FAM210B: variants seen among roughly 807,000 people sequenced by gnomAD.
The protein encoded by FAM210B is family with sequence similarity 210 member B.
FAM210B carries 11 observed loss-of-function variants against 14.9 expected under a neutral mutation model. The ratio of observed to expected loss-of-function variants is 0.74; its 90% CI spans 0.46 to 1.22. The LOEUF is 1.22. Among genes scored for constraint, FAM210B ranks in the 50% most tolerant of loss-of-function variants. FAM210B has a pLI of 0.00. For missense variants in FAM210B, 229 were observed against 250.1 expected, an observed-to-expected ratio of 0.92 and a Z score of 0.57; for synonymous variants, 113 against 110.2, an observed-to-expected ratio of 1.03 and a Z score of -0.16.
At chr20:56,365,343 C>CT (rs35912259) in intron 2 of FAM210B, 81 bp downstream of exon 2, 460 of 1,431,920 alleles carry the variant, frequency 3.2e-4, no homozygotes, top group Non-Finnish European at 3.7e-4. Context: ...TTTGCTAAGA[C>CT]TTTTTTTTTA....
rs952023727 is a variant in FAM210B at position 56,359,713 on chromosome 20, C to T, written c.186+522C>T. Among the ~76,000 whole-genome samples the T allele has an allele frequency of 2.6e-5, 4 of 152,234 alleles. No individual in the cohort carries two copies. The highest frequency in any genetic ancestry group is 9.7e-5 in the African/African-American group (4 of 41,450). ...TTGGTGCTAAGTGAAAACTGGTTTT[C>T]CTTCAGAGCAGTCATACCAGCTTTC... On this transcript the variant is annotated intron_variant, in intron 1 of 2. Coordinates refer to ENST00000371384, the MANE Select transcript of FAM210B (RefSeq NM_080821.3). The surrounding 1 kb of genome is among the most constrained non-coding windows in gnomAD (Gnocchi z 4.3).
Position 56,367,732 on chromosome 20 carries a change from G to A in FAM210B, c.*1445G>A, listed in dbSNP as rs535642661. On this transcript the variant is annotated 3_prime_UTR_variant, in exon 3 of 3. Transcript: ENST00000371384. The stretch of plus-strand genomic sequence containing the variant: ...GGCGATTGAAGTAATTCTGTCCTGC[G>A]GGGTTCAGCATCATGCACGTTCCCC... The A allele has an allele frequency of 3.3e-5, 5 of 152,328 alleles. No individual in the cohort carries two copies. Among genetic ancestry groups the A allele is most frequent in the South Asian group, 2.1e-4 (1 of 4,824 alleles). 9.4% of individuals were successfully genotyped at this position (152,328 alleles called of 1,614,324 possible).
In FAM210B at chr20:56,362,437, C is replaced by T. The variant is rs533397607; in HGVS notation, c.187-2650C>T. ...ATTCAGGACAGTGCCTAACACATCC[C>T]GGGTACTTACGGCAATGTTTCACGA... On this transcript the variant is annotated intron_variant, in intron 1 of 2. Transcript: ENST00000371384. This position sits in a 1 kb window ranked among gnomAD's most constrained non-coding sequence, Gnocchi z 4.8. Among the ~76,000 whole-genome samples the T allele has an allele frequency of 1.2e-4, 18 of 152,254 alleles. No homozygotes were observed. The highest frequency in any genetic ancestry group is 4.3e-4 in the African/African-American group (18 of 41,550).
At position 56,359,508 on chromosome 20, in the gene FAM210B, A is replaced by C. The variant is rs371142960; in HGVS notation, c.186+317A>C. 9.2e-5 allele frequency among the ~76,000 whole-genome samples: 14 copies of C among 152,270 alleles called. No individual in the cohort carries two copies. The East Asian group carries it at 2.3e-3, about 25-fold the overall frequency. On this transcript the variant is annotated intron_variant, in intron 1 of 2. Coordinates refer to ENST00000371384, the MANE Select transcript of FAM210B (RefSeq NM_080821.3). The surrounding 1 kb of genome is among the most constrained non-coding windows in gnomAD (Gnocchi z 4.3). ...GCCGACTGACTTGGTCTGAACTTCC[A>C]CACGTTGCCTGCGGAGTTGTTGTCC...
chr20:56,365,162 C>A lies in FAM210B; in HGVS notation c.262C>A (p.Gln88Lys). Residue 88 changes from glutamine to lysine, a missense_variant, in exon 2 of 3, where the codon CAA becomes AAA. Transcript: ENST00000371384. ...TEEKKQSKSQ[Q>K]LKKIFQEYGT... is the part of the protein sequence containing the mutation. ...GGAGAAAAAGCAAAGCAAGTCACAG[C>A]AACTGAAAAAGATTTTTCAAGAGTA... The A allele has an allele frequency of 6.2e-7, 1 of 1,614,188 alleles. No homozygotes were observed. Among genetic ancestry groups the A allele is most frequent in the African/African-American group, 1.3e-5 (1 of 75,054 alleles).
Position 56,367,579 on chromosome 20 carries a change from T to C in FAM210B, c.*1292T>C, listed in dbSNP as rs1235582294. ...TGAACCCAGGAGGTGGAGGTTGCAGTGAGCCAAGATCACACCACTGCACTC... is the reference window on the plus strand; with the variant it reads ...TGAACCCAGGAGGTGGAGGTTGCAGCGAGCCAAGATCACACCACTGCACTC... On this transcript the variant is annotated 3_prime_UTR_variant, in exon 3 of 3. Transcript: ENST00000371384. 6.6e-6 allele frequency: 1 copy of C among 152,414 alleles called. No individual in the cohort carries two copies. Among genetic ancestry groups the C allele is most frequent in the African/African-American group, 2.4e-5 (1 of 41,444 alleles). 9.4% of individuals were successfully genotyped at this position (152,414 alleles called of 1,614,324 possible).
rs148194786 is a variant in FAM210B, at chr20:56,362,400, G to A, written c.187-2687G>A. Among the ~76,000 whole-genome samples the A allele has an allele frequency of 4.0e-3, 614 of 152,178 alleles. 3 individuals carry two copies. The highest frequency in any genetic ancestry group is 0.014 in the African/African-American group (594 of 41,524). On this transcript the variant is annotated intron_variant, in intron 1 of 2. Transcript: ENST00000371384. This position sits in a 1 kb window ranked among gnomAD's most constrained non-coding sequence, Gnocchi z 4.8. ...TGAGTACAGACAGAAGATGTGTCAC[G>A]CCGTCCTGTGCATTCAGGACAGTGC...
In FAM210B at chr20:56,364,680, G is replaced by A. The variant is rs375081783; in HGVS notation, c.187-407G>A. Among the ~76,000 whole-genome samples, 9 of 152,274 alleles carry A rather than the reference G, an allele frequency of 5.9e-5. No individual in the cohort carries two copies. The East Asian group carries it at 9.7e-4, about 16-fold the overall frequency. ...ACTCGGCTCACTGAGTAGGAAAGGG[G>A]TAACTGATCCACGCCTGTAATCCTA... On this transcript the variant is annotated intron_variant, in intron 1 of 2. Coordinates refer to ENST00000371384, the MANE Select transcript of FAM210B (RefSeq NM_080821.3).
chr20:56,359,050 C>T lies in FAM210B; in HGVS notation c.45C>T (p.Gly15=). The T allele has an allele frequency of 9.6e-6, 13 of 1,351,228 alleles. No individual in the cohort carries two copies. The highest frequency in any genetic ancestry group is 1.2e-5 in the Non-Finnish European group (13 of 1,046,002). The allele number at this position is 1,351,228 out of a possible 1,614,324, so 83.7% of individuals were successfully genotyped here. The change falls in exon 1 of 3, where the codon GGC becomes GGT. Residue 15 remains glycine, a synonymous_variant. Transcript: ENST00000371384. This position sits in a 1 kb window ranked among gnomAD's most constrained non-coding sequence, Gnocchi z 4.3. ...TGCTGGGTCCGGCAGGCAGGGTGGG[C>T]GCCCGGGTCCGGCCTCGCGCCACCT... ...LALLGPAGRV[G]ARVRPRATWL... is the part of the protein sequence containing the mutation.
rs1569023751 is a variant in FAM210B, at chr20:56,365,380, G to GC, written c.362+119dup. 5.5e-6 allele frequency: 6 copies of GC among 1,094,598 alleles called. No individual in the cohort carries two copies. In the Admixed American group the frequency reaches 1.1e-4, roughly 20 times the overall value. The allele number at this position is 1,094,598 out of a possible 1,614,324, so 67.8% of individuals were successfully genotyped here. ...GACAGGGTCTCACTCCACTGCCCAG[G>GC]CTGGAGTGCAGTGGCATGATCACAG... On this transcript the variant is annotated intron_variant, in intron 2 of 2. Transcript: ENST00000371384.
chr20:56,366,060 T>G lies in FAM210B; in HGVS notation c.363-11T>G. 6.2e-7 allele frequency: 1 copy of G among 1,603,820 alleles called. No homozygotes were observed. Among genetic ancestry groups the G allele is most frequent in the Non-Finnish European group, 8.5e-7 (1 of 1,172,600 alleles). ...CTGTAATAATTGTTTTCTTTGCTTC[T>G]TCCCCCCTAGTGGTGTGGACATGCC... On this transcript the variant is annotated splice_polypyrimidine_tract_variant and intron_variant, in intron 2 of 2. Transcript: ENST00000371384.
intron 1 of FAM210B, among the ~76,000 whole-genome samples, chr20:56,364,692 C>T (rs970915892): frequency 6.6e-6 from 1 of 152,060 alleles, no homozygotes; most frequent in Non-Finnish European, 1.5e-5. Flanking sequence ...AACTGATCCA[C>T]GCCTGTAATC....
In FAM210B at chr20:56,362,157, T is replaced by C. The variant is rs1260520196; in HGVS notation, c.187-2930T>C. Among the ~76,000 whole-genome samples the C allele has an allele frequency of 6.6e-6, 1 of 152,042 alleles. No individual in the cohort carries two copies. Among genetic ancestry groups the C allele is most frequent in the African/African-American group, 2.4e-5 (1 of 41,384 alleles). On this transcript the variant is annotated intron_variant, in intron 1 of 2. Coordinates refer to ENST00000371384, the MANE Select transcript of FAM210B (RefSeq NM_080821.3). The surrounding 1 kb of genome is among the most constrained non-coding windows in gnomAD (Gnocchi z 4.8). ...TGCCTAGTACAGAATATACACAATATAGTGTTTATTATTAATATGATTTCT... is the reference window on the plus strand; with the variant it reads ...TGCCTAGTACAGAATATACACAATACAGTGTTTATTATTAATATGATTTCT...
At position 56,363,542 on chromosome 20, in the gene FAM210B, A is replaced by G. The variant is rs1370189568; in HGVS notation, c.187-1545A>G. On this transcript the variant is annotated intron_variant, in intron 1 of 2. Coordinates refer to ENST00000371384, the MANE Select transcript of FAM210B (RefSeq NM_080821.3). The surrounding 1 kb of genome is among the most constrained non-coding windows in gnomAD (Gnocchi z 4.1). ...AGAGCTGACCTCCAGCCAGGTGCGC[A>G]TCACCTGCCGGGACAAGCCCCAGGA... is the stretch of plus-strand genomic sequence containing the variant. Among the ~76,000 whole-genome samples, 1 of 152,208 alleles carries G rather than the reference A, an allele frequency of 6.6e-6. No individual in the cohort carries two copies. The highest frequency in any genetic ancestry group is 1.5e-5 in the Non-Finnish European group (1 of 68,044).
rs936171099 is a variant in FAM210B at position 56,362,736 on chromosome 20, C to T, written c.187-2351C>T. 3.3e-5 allele frequency among the ~76,000 whole-genome samples: 5 copies of T among 152,192 alleles called. No individual in the cohort carries two copies. Among genetic ancestry groups the T allele is most frequent in the Non-Finnish European group, 5.9e-5 (4 of 68,034 alleles). ...TACCACAGTCTTGCAGTAGATTCTG[C>T]TCAGTTCTATAGCTGGAATCCTGGC... On this transcript the variant is annotated intron_variant, in intron 1 of 2. Transcript: ENST00000371384. This position sits in a 1 kb window ranked among gnomAD's most constrained non-coding sequence, Gnocchi z 4.8.
Position 56,365,160 on chromosome 20 carries a change from A to C in FAM210B, c.260A>C (p.Gln87Pro). The change falls in exon 2 of 3, where the codon CAG (glutamine) becomes CCG (proline). Residue 87 changes from glutamine to proline, a missense_variant. Gln to Pro is a moderately conservative substitution (Grantham distance 76, BLOSUM62 -1). Coordinates refer to ENST00000371384, the MANE Select transcript of FAM210B (RefSeq NM_080821.3). ...CTEEKKQSKS[Q>P]QLKKIFQEYG... ...GAGGAGAAAAAGCAAAGCAAGTCAC[A>C]GCAACTGAAAAAGATTTTTCAAGAG... is the stretch of plus-strand genomic sequence containing the variant. 1 of 1,614,220 alleles carries C rather than the reference A, an allele frequency of 6.2e-7. No homozygotes were observed. Among genetic ancestry groups the C allele is most frequent in the Non-Finnish European group, 8.5e-7 (1 of 1,180,046 alleles).
At chr20:56,364,430 C>T (rs1357132445) in intron 1 of FAM210B, among the ~76,000 whole-genome samples, 1 of 152,256 alleles carries the variant, frequency 6.6e-6, no homozygotes, top group African/African-American at 2.4e-5. Flanking sequence ...CTGCCTCCCT[C>T]TCTTCACTTA....
intron 1 of FAM210B, among the ~76,000 whole-genome samples, 156 bp from the exon 2 acceptor site, chr20:56,364,931 A>C (rs776038155): frequency 2.0e-5 from 3 of 152,070 alleles, no homozygotes; most frequent in Non-Finnish European, 2.9e-5. Flanking sequence ...TCCAGCCTGG[A>C]TGACAGAGTG....
intron 1 of FAM210B, among the ~76,000 whole-genome samples, chr20:56,361,827 A>C (rs975377484): frequency 4.6e-5 from 7 of 151,978 alleles, no homozygotes; most frequent in African/African-American, 1.7e-4. Context: ...AAATACAAAT[A>C]TTAGCCGGGC....
Sources: allele counts gnomAD v4.1 joint callset (sites outside exome capture counted in the v4.1 genomes callset), GRCh38; gene constraint gnomAD v4.1.1; non-coding constraint Gnocchi (gnomAD v3.1); transcripts MANE v1.5; gene names NCBI Gene and HGNC (gene_info 2026-07-23, HGNC 2026-07-21).